The following OR2H1 variants were observed in gnomAD, a reference collection of about 807,000 sequenced individuals.
OR2H1 encodes olfactory receptor 2H1.
For missense variants in OR2H1, 380 were observed against 367.3 expected, an observed-to-expected ratio of 1.03 and a Z score of -0.28; for synonymous variants, 155 against 155.2, an observed-to-expected ratio of 1.00 and a Z score of 0.01.
chr6:29,459,981 T>G (rs1023563772), intron 2 of OR2H1: 1 of 152,196 alleles, frequency 6.6e-6, no homozygotes, highest in Non-Finnish European at 1.5e-5. Flanking sequence ...ATTGAATACA[T>G]GAGGCCATAC....
intron 3 of OR2H1, 87 bp downstream of exon 3, chr6:29,460,541 C>T (rs2151426451): frequency 6.6e-6 from 1 of 152,004 alleles, no homozygotes; most frequent in Admixed American, 6.6e-5. Flanking sequence ...TCAATGTTGG[C>T]TTTCCTGTAT....
chr6:29,457,283 T>G (rs1168330184), intron 1 of OR2H1, 76 bp downstream of exon 1: 1 of 152,144 alleles, frequency 6.6e-6, no homozygotes, highest in Non-Finnish European at 1.5e-5. Context: ...ACCACAAACC[T>G]GAATGTTCAT....
intron 3 of OR2H1, chr6:29,460,979 T>C (rs1005882726): frequency 2.6e-5 from 4 of 152,214 alleles, no homozygotes; most frequent in Non-Finnish European, 5.9e-5. Context: ...ATATCATCTT[T>C]TTAATTTCTA....
In OR2H1 at chr6:29,462,449, ACT is replaced by A. The variant is rs760482519; in HGVS notation, c.683_684del (p.Ser228CysfsTer56). 2.0e-5 allele frequency: 32 copies of A among 1,612,826 alleles called. No homozygotes were observed. Among genetic ancestry groups the A allele is most frequent in the Non-Finnish European group, 2.5e-5 (30 of 1,179,990 alleles). ...ACTGCCCAGGCAGTGCTGAGGATTA[ACT>A]CTGCCACAGCATGGAGAAAGGCCTT... On this transcript the variant is annotated frameshift_variant, in exon 4 of 4. Transcript: ENST00000377133. LOFTEE classifies it low-confidence loss of function (END_TRUNC).
intron 2 of OR2H1, among the ~76,000 whole-genome samples, chr6:29,459,132 A>T (rs1019633190): frequency 2.6e-5 from 4 of 152,230 alleles, no homozygotes; most frequent in Admixed American, 1.3e-4. Context: ...ACAAGTTGCC[A>T]AGAGAGTAAG....
rs771108127 is a variant in OR2H1, at chr6:29,462,429, C to G, written c.660C>G (p.Ala220=). 7.4e-6 allele frequency: 12 copies of G among 1,613,106 alleles called. No individual in the cohort carries two copies. Among genetic ancestry groups the G allele is most frequent in the African/African-American group, 1.3e-5 (1 of 75,040 alleles). The change falls in exon 4 of 4, where the codon GCC becomes GCG. Residue 220 remains alanine (A), a synonymous_variant. Coordinates refer to ENST00000377133, the MANE Select transcript of OR2H1 (RefSeq NM_030883.5). ...TCCTTGCCTCTTATGGAGCCACTGC[C>G]CAGGCAGTGCTGAGGATTAACTCTG... ...SLILASYGAT[A]QAVLRINSAT...
Position 29,462,366 on chromosome 6 carries a change from G to T in OR2H1, c.597G>T (p.Val199=). 1.2e-6 allele frequency: 2 copies of T among 1,613,116 alleles called. No homozygotes were observed. The highest frequency in any genetic ancestry group is 2.7e-5 in the African/African-American group (2 of 75,040). Residue 199 remains valine, a synonymous_variant, in exon 4 of 4, where the codon GTG becomes GTT. Coordinates refer to ENST00000377133, the MANE Select transcript of OR2H1 (RefSeq NM_030883.5). ...DTSYNEIQLA[V]SSVIFVVVPL... ...CCTACAATGAAATCCAGTTGGCTGTGTCCAGTGTCATCTTCGTGGTTGTGC... is the reference window on the plus strand; with the variant it reads ...CCTACAATGAAATCCAGTTGGCTGTTTCCAGTGTCATCTTCGTGGTTGTGC...
At chr6:29,460,293 C>T (rs1787078032) in intron 2 of OR2H1, 111 bp from the exon 3 acceptor site, 1 of 151,932 alleles carries the variant, frequency 6.6e-6, no homozygotes, top group African/African-American at 2.4e-5. Flanking sequence ...GCAACTTCCA[C>T]CTCCCAGGTT....
At chr6:29,460,957 A>G (rs544481412) in intron 3 of OR2H1, 1 of 152,296 alleles carries the variant, frequency 6.6e-6, no homozygotes, top group South Asian at 2.1e-4. Context: ...GAGGCAAAAA[A>G]TTTTAAAAAT....
intron 3 of OR2H1, 136 bp downstream of exon 3, chr6:29,460,590 ATCTT>A (rs1787139004): frequency 6.6e-6 from 1 of 152,056 alleles, no homozygotes; most frequent in Non-Finnish European, 1.5e-5. Flanking sequence ...AAAAAATTCT[ATCTT>A]AGAAACATGA....
chr6:29,460,906 A>G lies in OR2H1; in HGVS notation c.-276+452A>G, dbSNP rs188468138. On this transcript the variant is annotated intron_variant, in intron 3 of 3. Coordinates refer to ENST00000377133, the MANE Select transcript of OR2H1 (RefSeq NM_030883.5). ...GAATAATTTCTACTTAAACGTCCCA[A>G]TATCAACTCTCTATTTTGCTATTGA... The G allele has an allele frequency of 3.3e-4, 50 of 152,290 alleles. No homozygotes were observed. In the East Asian group the frequency reaches 8.9e-3, roughly 27 times the overall value. 9.4% of individuals were successfully genotyped at this position (152,290 alleles called of 1,614,324 possible). A position where few individuals can be genotyped will look rare whatever the true frequency, so the allele number is the denominator to read the frequency against.
chr6:29,460,748 T>C (rs1014389095), intron 3 of OR2H1: 12 of 152,232 alleles, frequency 7.9e-5, no homozygotes, highest in African/African-American at 2.9e-4. Flanking sequence ...TCAGAAATTC[T>C]TTAAATTACT....
rs555792917 is a variant in OR2H1 at position 29,464,230 on chromosome 6, A to G, written c.*1510A>G. ...CAAAATGCAGGCTCTATTGTTTTCA[A>G]TTTAGCAGCCTTTCAAATGTATATG... On this transcript the variant is annotated 3_prime_UTR_variant, in exon 4 of 4. Transcript: ENST00000377133. 21 of 167,194 alleles carry G rather than the reference A, an allele frequency of 1.3e-4. No homozygotes were observed. In the South Asian group the frequency reaches 2.5e-3, roughly 20 times the overall value. The allele number at this position is 167,194 out of a possible 1,614,324, so 10.4% of individuals were successfully genotyped here.
chr6:29,461,838 G>GGCTTCTCTGA lies in OR2H1; in HGVS notation c.69_70insGCTTCTCTGA (p.Thr24AlafsTer43). The GGCTTCTCTGA allele has an allele frequency of 6.2e-7, 1 of 1,613,016 alleles. No individual in the cohort carries two copies. Among genetic ancestry groups the GGCTTCTCTGA allele is most frequent in the Non-Finnish European group, 8.5e-7 (1 of 1,180,018 alleles). On this transcript the variant is annotated frameshift_variant, in exon 4 of 4. Coordinates refer to ENST00000377133, the MANE Select transcript of OR2H1 (RefSeq NM_030883.5). LOFTEE classifies it low-confidence loss of function (END_TRUNC). ...TCTCTGAACACCCAGCACTGGAAAG[G>GGCTTCTCTGA]ACTCTCTTTGTGGTTGTCTTCACTT...
rs748732543 is a variant in OR2H1 at position 29,461,902 on chromosome 6, C to T, written c.133C>T (p.Leu45=). 3 of 1,613,046 alleles carry T rather than the reference C, an allele frequency of 1.9e-6. No individual in the cohort carries two copies. Among genetic ancestry groups the T allele is most frequent in the Non-Finnish European group, 2.5e-6 (3 of 1,180,012 alleles). The change falls in exon 4 of 4, where the codon CTG becomes TTG. Residue 45 remains leucine (L), a synonymous_variant. Transcript: ENST00000377133. ...LTLVGNTLII[L]LSVLYPRLHS... Reference sequence around the variant, plus strand: ...CCTGGTGGGCAACACACTCATCATCCTGCTGTCTGTACTGTACCCCAGGCT... The same window carrying T: ...CCTGGTGGGCAACACACTCATCATCTTGCTGTCTGTACTGTACCCCAGGCT...
chr6:29,461,140 A>AAAT (rs1284920930), intron 3 of OR2H1: 2 of 152,212 alleles, frequency 1.3e-5, no homozygotes, highest in East Asian at 3.8e-4. Flanking sequence ...AGAAGGAACA[A>AAAT]AATACCTCAT....
Position 29,462,938 on chromosome 6 carries a change from A to T in OR2H1, c.*218A>T. On this transcript the variant is annotated 3_prime_UTR_variant, in exon 4 of 4. Transcript: ENST00000377133. Reference sequence around the variant, plus strand: ...CATAAGGCACACAAATTCAAATATTATCATTCCTATCACTGTCCATTCTTA... The same window carrying T: ...CATAAGGCACACAAATTCAAATATTTTCATTCCTATCACTGTCCATTCTTA... 2 of 578,382 alleles carry T rather than the reference A, an allele frequency of 3.5e-6. No homozygotes were observed. Among genetic ancestry groups the T allele is most frequent in the South Asian group, 2.6e-5 (1 of 39,102 alleles). 35.8% of individuals were successfully genotyped at this position (578,382 alleles called of 1,614,324 possible).
In OR2H1 at chr6:29,461,779, C is replaced by A. The variant is rs1461914901; in HGVS notation, c.10C>A (p.Gln4Lys). ...CAAACAAGAACAGGCCATGGTTAACCAAAGCTCCCCCATGGGCTTCCTCCT... is the reference window on the plus strand; with the variant it reads ...CAAACAAGAACAGGCCATGGTTAACAAAAGCTCCCCCATGGGCTTCCTCCT... MVN[Q>K]SSPMGFLLLG... Residue 4 changes from glutamine to lysine, a missense_variant, in exon 4 of 4, where the codon CAA becomes AAA. Physicochemically the swap from Gln to Lys is moderately conservative, Grantham distance 53 (BLOSUM62 1). Coordinates refer to ENST00000377133, the MANE Select transcript of OR2H1 (RefSeq NM_030883.5). 9 of 1,612,120 alleles carry A rather than the reference C, an allele frequency of 5.6e-6. No homozygotes were observed. Among genetic ancestry groups the A allele is most frequent in the Non-Finnish European group, 7.6e-6 (9 of 1,179,510 alleles).
Position 29,463,096 on chromosome 6 carries a change from G to A in OR2H1, c.*376G>A, listed in dbSNP as rs935671385. On this transcript the variant is annotated 3_prime_UTR_variant, in exon 4 of 4. Transcript: ENST00000377133. The stretch of plus-strand genomic sequence containing the variant: ...AGTGTAGGGGAACTACTCCATCATA[G>A]CATTCTGGACACCTTGCATGTATCT... The A allele has an allele frequency of 3.9e-5, 10 of 257,888 alleles. No individual in the cohort carries two copies. Among genetic ancestry groups the A allele is most frequent in the Admixed American group, 2.0e-4 (4 of 20,144 alleles). 16.0% of individuals were successfully genotyped at this position (257,888 alleles called of 1,614,324 possible).
Sources: gnomAD v4.1 joint callset for allele counts (sites outside exome capture counted in the v4.1 genomes callset) on GRCh38, gnomAD v4.1.1 for gene constraint, MANE v1.5 for transcripts, NCBI Gene and HGNC (gene_info 2026-07-23, HGNC 2026-07-21) for gene names.